Variants in RECK observed in about 807,000 individuals in gnomAD.
RECK encodes reversion-inducing cysteine-rich protein with Kazal motifs.
Under a neutral mutation model 115.1 loss-of-function variants are expected in RECK, and 69 were observed. The observed-to-expected ratio is 0.60, with a 90% CI of 0.49 to 0.73. The LOEUF (loss-of-function observed/expected upper bound fraction) is 0.73, where lower values mean the gene tolerates loss of function less well. Ranked by LOEUF, RECK falls within the 30% of genes least tolerant of loss-of-function variation. The pLI is 0.00. For synonymous variants in RECK, 414 were observed against 419.7 expected, an observed-to-expected ratio of 0.99 and a Z score of 0.17; for missense variants, 1,047 against 1,203.7, an observed-to-expected ratio of 0.87 and a Z score of 1.93.
At position 36,117,174 on chromosome 9, in the gene RECK, C is replaced by G; in HGVS notation, c.2250C>G (p.Cys750Trp). ...AAAGCCTCTCTTACAAAGGTCCCTGCCAGGTACAGTGCTTTGGCTGACAAA... is the reference window on the plus strand; with the variant it reads ...AAAGCCTCTCTTACAAAGGTCCCTGGCAGGTACAGTGCTTTGGCTGACAAA... Reference protein sequence around the residue: ...RGKSLSYKGPCQPFCRATEPV... With the variant: ...RGKSLSYKGPWQPFCRATEPV... Residue 750 changes from cysteine to tryptophan, a missense_variant, in exon 17 of 21, where the codon TGC becomes TGG. Cys to Trp is a radical substitution (Grantham distance 215). Transcript: ENST00000377966. The G allele has an allele frequency of 6.2e-7, 1 of 1,607,606 alleles. No individual in the cohort carries two copies. The highest frequency in any genetic ancestry group is 8.5e-7 in the Non-Finnish European group (1 of 1,176,246).
intron 12 of RECK, among the ~76,000 whole-genome samples, chr9:36,104,328 T>TA (rs1564130954): frequency 1.5e-3 from 11 of 7,266 alleles, no homozygotes; most frequent in Non-Finnish European, 2.6e-3. Context: ...ATATATATAT[T>TA]TTTTTTTTTT....
rs921694106 is a variant in RECK, at chr9:36,115,459, T to C, written c.2061-1526T>C. 7.2e-5 allele frequency among the ~76,000 whole-genome samples: 11 copies of C among 152,120 alleles called. No individual in the cohort carries two copies. In the East Asian group the frequency reaches 1.9e-3, roughly 27 times the overall value. ...GTCTCTGCCCTGCTCACGTTTACTT[T>C]TATTTGCCCCCAGATTCTCAACCTT... On this transcript the variant is annotated intron_variant, in intron 16 of 20. Transcript: ENST00000377966.
chr9:36,113,931 A>G (rs969745026), intron 16 of RECK, among the ~76,000 whole-genome samples: 1 of 152,230 alleles, frequency 6.6e-6, no homozygotes, highest in Non-Finnish European at 1.5e-5. Flanking sequence ...CAAAATATCA[A>G]TAATTTCACA....
At chr9:36,086,531 G>A (rs1468120066) in intron 8 of RECK, among the ~76,000 whole-genome samples, 1 of 152,194 alleles carries the variant, frequency 6.6e-6, no homozygotes, top group African/African-American at 2.4e-5. Flanking sequence ...ATTGTGAAGA[G>A]TGAAAGAACA....
intron 6 of RECK, among the ~76,000 whole-genome samples, chr9:36,077,947 C>T (rs1822515841): frequency 1.3e-5 from 2 of 152,096 alleles, no homozygotes; most frequent in Admixed American, 6.6e-5. Flanking sequence ...CCGGCATGCA[C>T]CCATAGTCGC....
chr9:36,037,211 G>C lies in RECK; in HGVS notation c.100+113G>C, dbSNP rs1050069922. ...CGCGCGACCCCCAGACCCTGCCCAC[G>C]TCCGGCGACCCCGGGACCCCAGGTC... On this transcript the variant is annotated intron_variant, in intron 1 of 20. Transcript: ENST00000377966. 5.5e-5 allele frequency: 35 copies of C among 633,282 alleles called. No individual in the cohort carries two copies. In the East Asian group the frequency reaches 9.4e-4, roughly 17 times the overall value. The allele number at this position is 633,282 out of a possible 1,614,324, so 39.2% of individuals were successfully genotyped here. A position where few individuals can be genotyped will look rare whatever the true frequency, so the allele number is the denominator to read the frequency against.
At position 36,058,773 on chromosome 9, in the gene RECK, T is replaced by G. The variant is rs532363145; in HGVS notation, c.160-54T>G. ...TCTAGAGGATAATAAGTTTTACCTC[T>G]TCTTATTTCTTATAGAAAAATGCCA... is the stretch of plus-strand genomic sequence containing the variant. On this transcript the variant is annotated intron_variant, in intron 2 of 20. Transcript: ENST00000377966. The G allele has an allele frequency of 4.9e-5, 65 of 1,336,994 alleles. No homozygotes were observed. The African/African-American group carries it at 8.7e-4, about 18-fold the overall frequency. The allele number at this position is 1,336,994 out of a possible 1,614,324, so 82.8% of individuals were successfully genotyped here.
intron 1 of RECK, among the ~76,000 whole-genome samples, chr9:36,051,728 A>C (rs887783244): frequency 6.6e-6 from 1 of 152,030 alleles, no homozygotes; most frequent in Non-Finnish European, 1.5e-5. Flanking sequence ...AATATCATTC[A>C]TTTCCATATA....
At chr9:36,108,368 A>G (rs543668609) in intron 14 of RECK, among the ~76,000 whole-genome samples, 24 of 152,302 alleles carry the variant, frequency 1.6e-4, no homozygotes, top group African/African-American at 5.8e-4. Flanking sequence ...GCTAATAATA[A>G]TTAATATTTA....
At chr9:36,097,377 C>G (rs1409683427) in intron 10 of RECK, among the ~76,000 whole-genome samples, 1 of 151,650 alleles carries the variant, frequency 6.6e-6, no homozygotes, top group Non-Finnish European at 1.5e-5. Context: ...TTCAAAGACC[C>G]TTTACCGAAG....
At chr9:36,069,060 C>T (rs1445663301) in intron 6 of RECK, among the ~76,000 whole-genome samples, 6 of 151,578 alleles carry the variant, frequency 4.0e-5, no homozygotes, top group Non-Finnish European at 4.4e-5. Context: ...GGATAAAGTC[C>T]TAAGGAAAAA....
At chr9:36,120,877 C>A in intron 19 of RECK, 141 bp downstream of exon 19, 1 of 637,426 alleles carries the variant, frequency 1.6e-6, no homozygotes, top group Non-Finnish European at 2.7e-6. Context: ...CCATATAGCC[C>A]TTAATCAGTA....
At chr9:36,079,324 A>G (rs1351308997) in intron 6 of RECK, among the ~76,000 whole-genome samples, 1 of 152,216 alleles carries the variant, frequency 6.6e-6, no homozygotes, top group Non-Finnish European at 1.5e-5. Context: ...GGAAACATGA[A>G]TGAAGAGAGA....
At chr9:36,055,110 TA>T (rs1428437705) in intron 2 of RECK, among the ~76,000 whole-genome samples, 1 of 152,214 alleles carries the variant, frequency 6.6e-6, no homozygotes, top group African/African-American at 2.4e-5. Context: ...GTTTGGTTAT[TA>T]AATTTTTTGC....
chr9:36,109,836 C>A, intron 14 of RECK, 121 bp from the exon 15 acceptor site: 1 of 981,332 alleles, frequency 1.0e-6, no homozygotes, highest in Non-Finnish European at 1.5e-6. Context: ...AGAATGAGAC[C>A]CTTCTCAAAA....
intron 8 of RECK, among the ~76,000 whole-genome samples, chr9:36,084,101 C>T (rs1295792986): frequency 1.3e-5 from 2 of 152,062 alleles, no homozygotes; most frequent in East Asian, 3.8e-4. Context: ...GGACTTCTTA[C>T]GTAGAAGTCC....
At chr9:36,085,770 A>G (rs1822933093) in intron 8 of RECK, 1 of 152,180 alleles carries the variant, frequency 6.6e-6, no homozygotes, top group African/African-American at 2.4e-5. Context: ...GTAACTCAGT[A>G]GCAGTACTGT....
chr9:36,090,689 T>A (rs549561293), intron 9 of RECK, among the ~76,000 whole-genome samples: 1 of 152,276 alleles, frequency 6.6e-6, no homozygotes, highest in Admixed American at 6.5e-5. Context: ...TAGTATAGTT[T>A]TTCAGGGAGA....
Position 36,118,741 on chromosome 9 carries a change from A to T in RECK, c.2254-16A>T. On this transcript the variant is annotated splice_polypyrimidine_tract_variant and intron_variant, in intron 17 of 20. Coordinates refer to ENST00000377966, the MANE Select transcript of RECK (RefSeq NM_021111.3). ...CATAGACATTTCCAGGCTAAATGTG[A>T]TTTGTTTGCCCTCAGCCCTTTTGCA... The T allele has an allele frequency of 6.2e-7, 1 of 1,611,328 alleles. No homozygotes were observed. The highest frequency in any genetic ancestry group is 2.2e-5 in the East Asian group (1 of 44,816).
Sources: allele counts gnomAD v4.1 joint callset (sites outside exome capture counted in the v4.1 genomes callset), GRCh38; gene constraint gnomAD v4.1.1; transcripts MANE v1.5; gene names NCBI Gene and HGNC (gene_info 2026-07-23, HGNC 2026-07-21).